EYS: variants seen among roughly 807,000 people sequenced by gnomAD.
EYS encodes the protein EGF-like photoreceptor maintenance factor, also known as protein eyes shut homolog.
A neutral mutation model predicts 282.1 loss-of-function variants in EYS; 250 were observed. That is an observed-to-expected ratio of 0.89 (90% CI 0.80 to 0.98). The LOEUF (loss-of-function observed/expected upper bound fraction) is 0.98, where lower values mean the gene tolerates loss of function less well. Ranked by LOEUF, EYS falls within the 50% of genes least tolerant of loss-of-function variation. EYS has a pLI of 0.00. For missense variants in EYS, 4,016 were observed against 3,709.0 expected (o/e 1.08, Z -2.15); for synonymous variants, 1,355 against 1,282.9 (o/e 1.06, Z -1.20).
At chr6:64,722,981 T>C (rs984948352) in intron 22 of EYS, among the ~76,000 whole-genome samples, 1 of 152,006 alleles carries the variant, frequency 6.6e-6, no homozygotes, top group Non-Finnish European at 1.5e-5. Flanking sequence ...TTAATACTTT[T>C]AGGTCAGTAT....
chr6:64,377,403 G>T lies in EYS; in HGVS notation c.6078+11287C>A, dbSNP rs142877997. Among the ~76,000 whole-genome samples the T allele has an allele frequency of 8.6e-3, 1,316 of 152,254 alleles. 26 individuals carry two copies. Among genetic ancestry groups the T allele is most frequent in the African/African-American group, 0.029 (1,206 of 41,564 alleles). On this transcript the variant is annotated intron_variant, in intron 29 of 42. Coordinates refer to ENST00000503581, the MANE Select transcript of EYS (RefSeq NM_001142800.2). ...GTTTGGGTAAAAGGTGTTTGACTTT[G>T]TTATTTGTAGTGAGGCAGTATAGCG...
chr6:65,218,050 G>C (rs111983124), intron 12 of EYS, among the ~76,000 whole-genome samples: 1,640 of 152,082 alleles, frequency 0.011, 32 homozygotes, highest in African/African-American at 0.038. Flanking sequence ...GATAAGTTCA[G>C]TTTATATTTT....
chr6:64,197,119 G>A (rs1469161666), intron 31 of EYS, among the ~76,000 whole-genome samples: 1 of 152,130 alleles, frequency 6.6e-6, no homozygotes, highest in East Asian at 1.9e-4. Context: ...AATAAAAGTT[G>A]TTGGCTTCAA....
chr6:64,901,080 G>T (rs1242611094), intron 18 of EYS, among the ~76,000 whole-genome samples: 2 of 151,746 alleles, frequency 1.3e-5, no homozygotes, highest in Admixed American at 1.3e-4. Context: ...ATGAGTTCCT[G>T]TTCTTTGCAG....
At chr6:64,007,345 C>G (rs539294933) in intron 33 of EYS, among the ~76,000 whole-genome samples, 1 of 149,540 alleles carries the variant, frequency 6.7e-6, no homozygotes, top group Non-Finnish European at 1.5e-5. Context: ...GTAATGTCCC[C>G]TTTGTTATCT....
chr6:63,981,918 T>C (rs1582074992), intron 35 of EYS, among the ~76,000 whole-genome samples: 1 of 151,884 alleles, frequency 6.6e-6, no homozygotes, highest in South Asian at 2.1e-4. Flanking sequence ...CAATGTTTGT[T>C]GGAATAAGTC....
At chr6:65,248,844 A>C (rs1767247484) in intron 12 of EYS, among the ~76,000 whole-genome samples, 1 of 151,960 alleles carries the variant, frequency 6.6e-6, no homozygotes, top group African/African-American at 2.4e-5. Context: ...TAAAGTGTGT[A>C]ATATTCAGAT....
intron 22 of EYS, among the ~76,000 whole-genome samples, chr6:64,764,912 AT>A (rs554819263): frequency 2.4e-3 from 369 of 152,108 alleles, no homozygotes; most frequent in Middle Eastern, 6.8e-3. Flanking sequence ...CTAATTTTAT[AT>A]TTTAATAGAG....
chr6:65,567,335 T>G (rs1764306500), intron 2 of EYS, among the ~76,000 whole-genome samples: 1 of 150,362 alleles, frequency 6.7e-6, no homozygotes, highest in South Asian at 2.1e-4. Context: ...AACAGATACA[T>G]TTTCTAAAAT....
At chr6:64,566,787 T>C (rs886298237) in intron 26 of EYS, among the ~76,000 whole-genome samples, 2 of 152,096 alleles carry the variant, frequency 1.3e-5, no homozygotes, top group Non-Finnish European at 2.9e-5. Context: ...TATATATATA[T>C]TTTTAAGACA....
chr6:64,593,978 T>A (rs1766491679), intron 24 of EYS, among the ~76,000 whole-genome samples: 1 of 152,182 alleles, frequency 6.6e-6, no homozygotes, highest in Admixed American at 6.5e-5. Flanking sequence ...TTTTTATTTG[T>A]AAGAAAATAA....
chr6:64,343,587 T>A (rs1437293443), intron 29 of EYS, among the ~76,000 whole-genome samples: 1 of 151,964 alleles, frequency 6.6e-6, no homozygotes, highest in Non-Finnish European at 1.5e-5. Flanking sequence ...TACCACTAAA[T>A]GCCCACAAGA....
chr6:65,703,967 A>G (rs1167135339), intron 1 of EYS, among the ~76,000 whole-genome samples: 1 of 152,110 alleles, frequency 6.6e-6, no homozygotes, highest in Non-Finnish European at 1.5e-5. Flanking sequence ...CTGGAGAACG[A>G]CTGAGCGAAT....
chr6:65,431,493 T>C (rs952180377), intron 5 of EYS, among the ~76,000 whole-genome samples: 7 of 152,004 alleles, frequency 4.6e-5, no homozygotes, highest in Admixed American at 2.0e-4. Context: ...GACAATAAAA[T>C]AAATAATATA....
rs564653847 is a variant in EYS, at chr6:64,616,374, G to C, written c.3684+1044C>G. 2.6e-5 allele frequency among the ~76,000 whole-genome samples: 4 copies of C among 152,070 alleles called. No homozygotes were observed. The East Asian group carries it at 7.7e-4, about 29-fold the overall frequency. On this transcript the variant is annotated intron_variant, in intron 24 of 42. Transcript: ENST00000503581. ...GCAGTAAGAGAAAATCTTTTTCCTA[G>C]GGCAAATCCAAAATTAGAGAATTCT...
intron 26 of EYS, among the ~76,000 whole-genome samples, chr6:64,507,049 C>T (rs1777233998): frequency 6.7e-6 from 1 of 148,630 alleles, no homozygotes. Flanking sequence ...TCTGATACTG[C>T]AAATATTATT....
intron 22 of EYS, among the ~76,000 whole-genome samples, chr6:64,714,796 G>T (rs1295188463): frequency 1.3e-5 from 2 of 152,022 alleles, no homozygotes; most frequent in Non-Finnish European, 2.9e-5. Flanking sequence ...AAAGTGCTGG[G>T]ATTACAGGCG....
At chr6:64,328,517 C>T (rs570841673) in intron 29 of EYS, among the ~76,000 whole-genome samples, 64 of 152,240 alleles carry the variant, frequency 4.2e-4, no homozygotes, top group African/African-American at 1.4e-3. Context: ...AGAGGCTGTG[C>T]GAGGCTTACC....
At chr6:64,205,225 CT>C (rs1562252449) in intron 31 of EYS, among the ~76,000 whole-genome samples, 3 of 152,042 alleles carry the variant, frequency 2.0e-5, no homozygotes, top group Non-Finnish European at 4.4e-5. Flanking sequence ...AATTCTATTT[CT>C]TTACAAACTT....
Sources: gnomAD v4.1 joint callset for allele counts (sites outside exome capture counted in the v4.1 genomes callset) on GRCh38, gnomAD v4.1.1 for gene constraint, MANE v1.5 for transcripts, NCBI Gene and HGNC (gene_info 2026-07-23, HGNC 2026-07-21) for gene names.